The following SLC8A1 variants were observed in gnomAD, a reference collection of about 807,000 sequenced individuals.
SLC8A1 encodes the protein sodium/calcium exchanger 1.
A neutral mutation model predicts 68.3 loss-of-function variants in SLC8A1; 18 were observed. The ratio of observed to expected loss-of-function variants is 0.26; its 90% CI spans 0.18 to 0.39. SLC8A1 has a LOEUF of 0.39. SLC8A1 is among the 10% of genes least tolerant of loss of function. SLC8A1 has a pLI of 1.00. For synonymous variants in SLC8A1, 475 were observed against 415.5 expected (o/e 1.14, Z -1.74); for missense variants, 985 against 1,156.7 (o/e 0.85, Z 2.15).
chr2:40,434,219 T>C, intron 1 of SLC8A1, among the ~76,000 whole-genome samples: 1 of 152,148 alleles, frequency 6.6e-6, no homozygotes, highest in East Asian at 1.9e-4. Context: ...CTTCCGGTGT[T>C]AACTAAAAAC....
chr2:40,391,172 T>A (rs999781518), intron 2 of SLC8A1, among the ~76,000 whole-genome samples: 1 of 49,864 alleles, frequency 2.0e-5, no homozygotes, highest in African/African-American at 1.3e-4. Flanking sequence ...TATATGTAGA[T>A]GCGTGTGTGT....
intron 2 of SLC8A1, among the ~76,000 whole-genome samples, chr2:40,233,022 A>C (rs1258985291): frequency 1.3e-5 from 2 of 151,866 alleles, no homozygotes; most frequent in Non-Finnish European, 2.9e-5. Flanking sequence ...GGTTGGTTCC[A>C]AGTCTTTGCT....
chr2:40,437,408 C>G (rs549759808), intron 1 of SLC8A1, among the ~76,000 whole-genome samples: 1 of 152,192 alleles, frequency 6.6e-6, no homozygotes, highest in South Asian at 2.1e-4. Context: ...TTCTATTCGT[C>G]ACATAGCAAG....
At chr2:40,459,362 C>T (rs1576610165) in intron 1 of SLC8A1, among the ~76,000 whole-genome samples, 2 of 125,070 alleles carry the variant, frequency 1.6e-5, no homozygotes, top group East Asian at 2.0e-4. Flanking sequence ...TGATATAGGA[C>T]AGTATATTTT....
chr2:40,299,683 A>G (rs1012602152), intron 2 of SLC8A1, among the ~76,000 whole-genome samples: 1 of 152,242 alleles, frequency 6.6e-6, no homozygotes, highest in African/African-American at 2.4e-5. Flanking sequence ...CCATTGCTCT[A>G]TGCTACACCT....
chr2:40,347,601 C>A (rs1669752353), intron 2 of SLC8A1, among the ~76,000 whole-genome samples: 1 of 152,150 alleles, frequency 6.6e-6, no homozygotes, highest in South Asian at 2.1e-4. Flanking sequence ...ATGAGAAAAT[C>A]CATGATTTAC....
chr2:40,214,765 T>C (rs1488161817), intron 2 of SLC8A1, among the ~76,000 whole-genome samples: 1 of 152,160 alleles, frequency 6.6e-6, no homozygotes, highest in Non-Finnish European at 1.5e-5. Flanking sequence ...TCTTAACTCA[T>C]ATAATGGATC....
intron 1 of SLC8A1, among the ~76,000 whole-genome samples, chr2:40,490,497 A>T (rs1257775322): frequency 1.3e-5 from 2 of 152,152 alleles, no homozygotes; most frequent in African/African-American, 4.8e-5. Flanking sequence ...ATAAGAACCC[A>T]GTATTTCAAT....
intron 2 of SLC8A1, among the ~76,000 whole-genome samples, chr2:40,414,532 T>C (rs1164587077): frequency 1.3e-5 from 2 of 152,222 alleles, no homozygotes; most frequent in Non-Finnish European, 2.9e-5. Flanking sequence ...CATGATTTAT[T>C]ATTCCTTGTG....
At chr2:40,144,965 A>T (rs2042183898) in intron 6 of SLC8A1, among the ~76,000 whole-genome samples, 1 of 152,080 alleles carries the variant, frequency 6.6e-6, no homozygotes, top group Non-Finnish European at 1.5e-5. Flanking sequence ...AACATTTCTA[A>T]TACAATTTCA....
At chr2:40,391,390 G>A (rs1015704136) in intron 2 of SLC8A1, among the ~76,000 whole-genome samples, 6 of 151,916 alleles carry the variant, frequency 3.9e-5, no homozygotes, top group African/African-American at 1.2e-4. Context: ...GCAGCATATG[G>A]AACTAGAAAT....
intron 2 of SLC8A1, among the ~76,000 whole-genome samples, chr2:40,249,182 T>A (rs1177677549): frequency 1.3e-5 from 2 of 152,186 alleles, no homozygotes; most frequent in East Asian, 3.9e-4. Flanking sequence ...ACAAAAAATG[T>A]TTGATGTTAT....
At chr2:40,288,015 C>G (rs1159598020) in intron 2 of SLC8A1, among the ~76,000 whole-genome samples, 1 of 152,100 alleles carries the variant, frequency 6.6e-6, no homozygotes, top group Non-Finnish European at 1.5e-5. Context: ...GGTCCTTTGG[C>G]TTGGAAACCA....
intron 2 of SLC8A1, among the ~76,000 whole-genome samples, chr2:40,409,139 G>C (rs922780991): frequency 6.6e-6 from 1 of 152,048 alleles, no homozygotes; most frequent in African/African-American, 2.4e-5. Flanking sequence ...AGAATACAAG[G>C]TCCTTTTCTC....
chr2:40,457,814 T>C (rs955408816), intron 1 of SLC8A1, among the ~76,000 whole-genome samples: 2 of 152,318 alleles, frequency 1.3e-5, no homozygotes, highest in East Asian at 3.9e-4. Flanking sequence ...GACATTAACA[T>C]TTTTTGCCAC....
At chr2:40,109,319 C>T (rs557751899) in exon 8 of SLC8A1, 1 of 152,088 alleles carries the variant, frequency 6.6e-6, no homozygotes. Context: ...TTTGTAGAAA[C>T]CCTCATGAGC....
At chr2:40,214,237 T>C (rs2148797508) in intron 2 of SLC8A1, among the ~76,000 whole-genome samples, 1 of 152,280 alleles carries the variant, frequency 6.6e-6, no homozygotes, top group East Asian at 1.9e-4. Context: ...TCTTCAGCTA[T>C]GAATCAGGTG....
intron 2 of SLC8A1, among the ~76,000 whole-genome samples, chr2:40,274,946 C>CAGA: frequency 6.6e-6 from 1 of 152,252 alleles, no homozygotes; most frequent in Non-Finnish European, 1.5e-5. Flanking sequence ...TATAATGGCA[C>CAGA]AGACTGCCCA....
chr2:40,208,074 C>A (rs540599397), intron 2 of SLC8A1, among the ~76,000 whole-genome samples: 2 of 152,196 alleles, frequency 1.3e-5, no homozygotes, highest in East Asian at 3.9e-4. Flanking sequence ...GTATATTCAC[C>A]TCTGACACCT....
Sources: gnomAD v4.1 joint callset for allele counts (sites outside exome capture counted in the v4.1 genomes callset) on GRCh38, gnomAD v4.1.1 for gene constraint, MANE v1.5 for transcripts, NCBI Gene and HGNC (gene_info 2026-07-23, HGNC 2026-07-21) for gene names.